PLXNC1: variants seen among roughly 807,000 people sequenced by gnomAD.
PLXNC1 encodes the protein plexin C1.
In PLXNC1, 75 loss-of-function variants were observed where a neutral mutation model predicts 178.2. That is an observed-to-expected ratio of 0.42 (90% CI 0.35 to 0.51). The LOEUF (loss-of-function observed/expected upper bound fraction) is 0.51, where lower values mean the gene tolerates loss of function less well. PLXNC1 is among the 20% of genes least tolerant of loss of function. PLXNC1 has a pLI of 0.02. For synonymous variants in PLXNC1, 790 were observed against 779.9 expected (o/e 1.01, Z -0.22); for missense variants, 1,503 against 1,984.4 (o/e 0.76, Z 4.61).
Position 94,149,340 on chromosome 12 carries a change from G to A in PLXNC1, c.369G>A (p.Leu123=). The A allele has an allele frequency of 6.9e-7, 1 of 1,438,872 alleles. No individual in the cohort carries two copies. Among genetic ancestry groups the A allele is most frequent in the South Asian group, 1.4e-5 (1 of 69,222 alleles). 89.1% of individuals were successfully genotyped at this position (1,438,872 alleles called of 1,614,324 possible). A position where few individuals can be genotyped will look rare whatever the true frequency, so the allele number is the denominator to read the frequency against. Residue 123 remains leucine (L), a synonymous_variant, in exon 1 of 31, where the codon CTG becomes CTA. Coordinates refer to ENST00000258526, the MANE Select transcript of PLXNC1 (RefSeq NM_005761.3). ...REGAAGLGGL[L]LTGWTFDRGA... is the part of the protein sequence containing the mutation. ...GGGCGGCCGGCCTCGGGGGGCTGCTGCTCACCGGCTGGACCTTCGACCGGG... is the reference window on the plus strand; with the variant it reads ...GGGCGGCCGGCCTCGGGGGGCTGCTACTCACCGGCTGGACCTTCGACCGGG...
intron 4 of PLXNC1, among the ~76,000 whole-genome samples, chr12:94,187,409 TTAGGAA>T (rs1962557637): frequency 1.3e-5 from 2 of 151,732 alleles, no homozygotes; most frequent in African/African-American, 4.8e-5. Context: ...AGCAAGAGGT[TTAGGAA>T]ACAAATCAAA....
At chr12:94,286,070 C>T (rs1028757520) in intron 23 of PLXNC1, among the ~76,000 whole-genome samples, 1 of 152,196 alleles carries the variant, frequency 6.6e-6, no homozygotes, top group South Asian at 2.1e-4. Flanking sequence ...GATAGAACAT[C>T]AGTCTTCACT....
At chr12:94,275,624 C>A (rs891889310) in intron 21 of PLXNC1, among the ~76,000 whole-genome samples, 1 of 86,316 alleles carries the variant, frequency 1.2e-5, no homozygotes, top group Non-Finnish European at 2.3e-5. Flanking sequence ...GAGGCCGAGG[C>A]GGGCGGATCA....
chr12:94,220,255 C>G, intron 6 of PLXNC1, 92 bp downstream of exon 6: 1 of 1,270,946 alleles, frequency 7.9e-7, no homozygotes, highest in Non-Finnish European at 1.1e-6. Flanking sequence ...ATGAATAGTT[C>G]CCCCTCTGTA....
At chr12:94,237,826 T>C in intron 10 of PLXNC1, 23 bp downstream of exon 10, 1 of 1,609,672 alleles carries the variant, frequency 6.2e-7, no homozygotes, top group Non-Finnish European at 8.5e-7. Flanking sequence ...ACTAATAATT[T>C]ATCCTCGGTA....
At chr12:94,270,983 G>A (rs936209466) in intron 21 of PLXNC1, among the ~76,000 whole-genome samples, 5 of 152,026 alleles carry the variant, frequency 3.3e-5, no homozygotes, top group African/African-American at 1.2e-4. Flanking sequence ...ACTCTGGCTT[G>A]GAAAGAAGCT....
chr12:94,169,249 A>C lies in PLXNC1; in HGVS notation c.1159A>C (p.Arg387=). The C allele has an allele frequency of 6.2e-7, 1 of 1,614,088 alleles. No homozygotes were observed. The highest frequency in any genetic ancestry group is 8.5e-7 in the Non-Finnish European group (1 of 1,179,932). ...TSVYGTVVMN[R]TVLFLGTGDG... Reference sequence around the variant, plus strand: ...CGTTTATGGCACCGTGGTAATGAACAGGACTGTTTTATTCTTGGGGACTGG... The same window carrying C: ...CGTTTATGGCACCGTGGTAATGAACCGGACTGTTTTATTCTTGGGGACTGG... Residue 387 remains arginine (R), a synonymous_variant, in exon 2 of 31, where the codon AGG becomes CGG. Coordinates refer to ENST00000258526, the MANE Select transcript of PLXNC1 (RefSeq NM_005761.3).
chr12:94,234,035 T>G (rs1964178339), intron 9 of PLXNC1, among the ~76,000 whole-genome samples: 1 of 152,170 alleles, frequency 6.6e-6, no homozygotes, highest in African/African-American at 2.4e-5. Flanking sequence ...CCATGTGACT[T>G]TTTATCTAGT....
chr12:94,176,423 C>A (rs761468838), intron 2 of PLXNC1: 3 of 152,180 alleles, frequency 2.0e-5, no homozygotes, highest in Admixed American at 2.0e-4. Flanking sequence ...CCAGGGGCCA[C>A]GGAAGCAGAA....
intron 19 of PLXNC1, 53 bp downstream of exon 19, chr12:94,259,787 G>A: frequency 6.6e-7 from 1 of 1,506,178 alleles, no homozygotes; most frequent in Non-Finnish European, 8.9e-7. Flanking sequence ...AATCAGGCCG[G>A]GCATGGTGGC....
intron 4 of PLXNC1, among the ~76,000 whole-genome samples, chr12:94,202,395 G>A (rs986410844): frequency 1.3e-5 from 2 of 152,208 alleles, no homozygotes; most frequent in Non-Finnish European, 2.9e-5. Context: ...GGCCCTGAGG[G>A]TGCAAAGGTG....
chr12:94,219,865 TCTGTCACCCAGAAA>T, intron 5 of PLXNC1, 137 bp from the exon 6 acceptor site: 1 of 413,366 alleles, frequency 2.4e-6, no homozygotes, highest in Non-Finnish European at 4.4e-6. Context: ...AGTGTCTTGC[TCTGTCACCCAGAAA>T]CATCTATTCT....
Position 94,149,467 on chromosome 12 carries a change from G to C in PLXNC1, c.496G>C (p.Val166Leu). ...CHPQGSTAGV[V>L]YRAGRNNRWY... ...CCCGCAGGGCTCGACGGCCGGCGTG[G>C]TGTACCGCGCGGGCCGGAACAACCG... Residue 166 changes from valine (V) to leucine (L), a missense_variant, in exon 1 of 31, where the codon GTG becomes CTG. Val to Leu is a conservative substitution (Grantham distance 32, BLOSUM62 1). Around this residue, in one of 4 missense-constraint regions of PLXNC1, gnomAD observed 73 missense variants for 125.4 expected, o/e 0.58. Transcript: ENST00000258526. The C allele has an allele frequency of 6.7e-7, 1 of 1,494,878 alleles. No individual in the cohort carries two copies. Among genetic ancestry groups the C allele is most frequent in the South Asian group, 1.3e-5 (1 of 77,142 alleles). 92.6% of individuals were successfully genotyped at this position (1,494,878 alleles called of 1,614,324 possible).
chr12:94,148,967 G>T lies in PLXNC1; in HGVS notation c.-5G>T. The T allele has an allele frequency of 7.4e-7, 1 of 1,348,470 alleles. No homozygotes were observed. The highest frequency in any genetic ancestry group is 9.6e-7 in the Non-Finnish European group (1 of 1,039,812). The allele number at this position is 1,348,470 out of a possible 1,614,324, so 83.5% of individuals were successfully genotyped here. On this transcript the variant is annotated 5_prime_UTR_variant, in exon 1 of 31. Transcript: ENST00000258526. This position sits in a 1 kb window ranked among gnomAD's most constrained non-coding sequence, Gnocchi z 4.8. ...GCCCTGCCCGGGGGCGGCCCCCCCAGCCCCATGGAGGTCTCCCGGAGGAAG... is the reference window on the plus strand; with the variant it reads ...GCCCTGCCCGGGGGCGGCCCCCCCATCCCCATGGAGGTCTCCCGGAGGAAG...
chr12:94,249,591 T>C (rs946062627), intron 14 of PLXNC1, among the ~76,000 whole-genome samples: 1 of 151,968 alleles, frequency 6.6e-6, no homozygotes, highest in African/African-American at 2.4e-5. Flanking sequence ...CTCAAGCCTA[T>C]AATGCCAGCA....
chr12:94,226,508 T>C, intron 7 of PLXNC1, 97 bp from the exon 8 acceptor site: 1 of 761,288 alleles, frequency 1.3e-6, no homozygotes, highest in East Asian at 2.7e-5. Flanking sequence ...TTTTTTGCCT[T>C]CTTTTAAATG....
chr12:94,268,574 G>A (rs1207467206), intron 21 of PLXNC1, among the ~76,000 whole-genome samples: 1 of 138,834 alleles, frequency 7.2e-6, no homozygotes, highest in Non-Finnish European at 1.5e-5. Flanking sequence ...CAGACAGCTG[G>A]AAGAGAATAA....
intron 5 of PLXNC1, 96 bp downstream of exon 5, chr12:94,209,800 C>G (rs1263438974): frequency 1.3e-6 from 1 of 761,206 alleles, no homozygotes; most frequent in Non-Finnish European, 2.3e-6. Context: ...CATTAGCAAT[C>G]AAACATGCTT....
At chr12:94,187,087 G>GGCCC (rs1962540050) in intron 4 of PLXNC1, among the ~76,000 whole-genome samples, 1 of 152,112 alleles carries the variant, frequency 6.6e-6, no homozygotes, top group Non-Finnish European at 1.5e-5. Context: ...GGCCTGGTTG[G>GGCCC]ATTCGCCGTC....
Sources: gnomAD v4.1 joint callset for allele counts (sites outside exome capture counted in the v4.1 genomes callset) on GRCh38, gnomAD v4.1.1 for gene constraint, gnomAD v4.1.1 regional missense constraint, Gnocchi (gnomAD v3.1) non-coding constraint, MANE v1.5 for transcripts, NCBI Gene and HGNC (gene_info 2026-07-23, HGNC 2026-07-21) for gene names.